Variants in FOXN3 observed in about 807,000 individuals in gnomAD.
FOXN3 encodes the protein forkhead box protein N3.
In FOXN3, 7 loss-of-function variants were observed where a neutral mutation model predicts 38.4. That is an observed-to-expected ratio of 0.18 (90% confidence interval 0.10 to 0.34). The LOEUF (loss-of-function observed/expected upper bound fraction) is 0.34. FOXN3 is among the 10% of genes least tolerant of loss of function. FOXN3 has a pLI of 1.00. For missense variants in FOXN3, 456 were observed against 613.4 expected, an observed-to-expected ratio of 0.74 and a Z score of 2.71; for synonymous variants, 230 against 242.2, an observed-to-expected ratio of 0.95 and a Z score of 0.47.
intron 1 of FOXN3, among the ~76,000 whole-genome samples, chr14:89,426,215 A>ATTTTTTTT (rs33964198): frequency 1.3e-5 from 1 of 77,560 alleles, no homozygotes; most frequent in African/African-American, 5.5e-5. Context: ...AGGAGTACTG[A>ATTTTTTTT]TTTTTTTTTT....
At chr14:89,269,596 G>T (rs545425159) in intron 4 of FOXN3, among the ~76,000 whole-genome samples, 1 of 151,560 alleles carries the variant, frequency 6.6e-6, no homozygotes, top group Non-Finnish European at 1.5e-5. Context: ...GGTAATGGTC[G>T]CAACAGTTGT....
intron 2 of FOXN3, among the ~76,000 whole-genome samples, chr14:89,366,184 C>T (rs1044005839): frequency 6.6e-6 from 1 of 150,834 alleles, no homozygotes; most frequent in African/African-American, 2.4e-5. Flanking sequence ...ACCCGGGAGG[C>T]GGAGTTTGCA....
At chr14:89,492,672 G>A (rs117836319) in intron 1 of FOXN3, among the ~76,000 whole-genome samples, 2,000 of 152,246 alleles carry the variant, frequency 0.013, 20 homozygotes, top group Middle Eastern at 0.048. Flanking sequence ...AGATAGCACC[G>A]CTGCACTCTG....
chr14:89,299,986 T>C (rs930503629), intron 3 of FOXN3, among the ~76,000 whole-genome samples: 1 of 152,212 alleles, frequency 6.6e-6, no homozygotes, highest in Non-Finnish European at 1.5e-5. Flanking sequence ...TTGCATCTTC[T>C]GTCCCAGCAC....
Position 89,412,209 on chromosome 14 carries a change from G to A in FOXN3, c.268C>T (p.Leu90=). The change falls in exon 2 of 6, where the codon CTG becomes TTG. Residue 90 remains leucine (L), a synonymous_variant. Transcript: ENST00000557258. This position sits in a 1 kb window ranked among gnomAD's most constrained non-coding sequence, Gnocchi z 4.7. ...GGGGATGGGGGGGTGTCATCGTCCA[G>A]GTCCTGGACGGGGCTGACACTCCTG... ...VLRSVSPVQD[L]DDDTPPSPAH... is the part of the protein sequence containing the mutation. 3 of 1,614,044 alleles carry A rather than the reference G, an allele frequency of 1.9e-6. No homozygotes were observed. The highest frequency in any genetic ancestry group is 2.5e-6 in the Non-Finnish European group (3 of 1,180,004).
chr14:89,611,805 CAAAAA>C (rs56373132), intron 1 of FOXN3, among the ~76,000 whole-genome samples: 130 of 89,246 alleles, frequency 1.5e-3, no homozygotes, highest in South Asian at 0.012. Flanking sequence ...GACTCCGTCT[CAAAAA>C]AAAAAAAAAA....
At chr14:89,215,602 C>G (rs1304780447) in intron 4 of FOXN3, among the ~76,000 whole-genome samples, 1 of 152,174 alleles carries the variant, frequency 6.6e-6, no homozygotes, top group Non-Finnish European at 1.5e-5. Context: ...GGCAGAAAAA[C>G]TCTCAGTCTT....
At position 89,302,403 on chromosome 14, in the gene FOXN3, C is replaced by T. The variant is rs111551649; in HGVS notation, c.681-21389G>A. Among the ~76,000 whole-genome samples the T allele has an allele frequency of 1.2e-3, 177 of 152,254 alleles. 2 individuals are homozygous for T. Among genetic ancestry groups the T allele is most frequent in the African/African-American group, 4.0e-3 (167 of 41,526 alleles). ...CTTTCTTTCTGGGTGTAAACAGTTA[C>T]GTATGATTGTGAGGGTTTTGCTTTG... On this transcript the variant is annotated intron_variant, in intron 3 of 5. Transcript: ENST00000557258.
chr14:89,325,312 ACG>A lies in FOXN3; in HGVS notation c.680+25358_680+25359del, dbSNP rs1392352257. Among the ~76,000 whole-genome samples, 154 of 125,584 alleles carry A rather than the reference ACG, an allele frequency of 1.2e-3. 1 individual carries two copies. The highest frequency in any genetic ancestry group is 4.5e-3 in the African/African-American group (143 of 31,908). The allele number at this position is 125,584 out of a possible 152,430, so 82.4% of individuals were successfully genotyped here. A position where few individuals can be genotyped will look rare whatever the true frequency, so the allele number is the denominator to read the frequency against. ...CACCACCAACACCAACACCACCACC[ACG>A]ACCACCACCACCACCACCACCACCA... On this transcript the variant is annotated intron_variant, in intron 3 of 5. Transcript: ENST00000557258.
intron 4 of FOXN3, among the ~76,000 whole-genome samples, chr14:89,237,661 C>T (rs1885018696): frequency 6.6e-6 from 1 of 152,164 alleles, no homozygotes; most frequent in Non-Finnish European, 1.5e-5. Flanking sequence ...CATCTCAAAG[C>T]AAAGGCTTAA....
intron 3 of FOXN3, among the ~76,000 whole-genome samples, chr14:89,337,395 G>A (rs1007657568): frequency 2.6e-5 from 4 of 152,122 alleles, no homozygotes; most frequent in African/African-American, 7.2e-5. Context: ...ATTTAAACAC[G>A]GATTATGTAT....
intron 2 of FOXN3, among the ~76,000 whole-genome samples, chr14:89,371,641 C>A (rs1890321695): frequency 6.6e-6 from 1 of 152,074 alleles, no homozygotes; most frequent in African/African-American, 2.4e-5. Flanking sequence ...CTGCTCCTAG[C>A]CCCAGGAGAC....
chr14:89,392,046 A>C (rs8018966), intron 2 of FOXN3, among the ~76,000 whole-genome samples: 56,776 of 151,950 alleles, frequency 0.37, 13,054 homozygotes, highest in Admixed American at 0.53. Context: ...CCCATCAAAA[A>C]ATGGAGAGGA....
chr14:89,251,413 GT>G (rs1885451408), intron 4 of FOXN3, among the ~76,000 whole-genome samples: 1 of 152,204 alleles, frequency 6.6e-6, no homozygotes, highest in Non-Finnish European at 1.5e-5. Context: ...ATGCAAATGG[GT>G]CAGCCCAAAA....
At chr14:89,200,270 C>T (rs1018651996) in intron 4 of FOXN3, among the ~76,000 whole-genome samples, 1 of 152,176 alleles carries the variant, frequency 6.6e-6, no homozygotes, top group Non-Finnish European at 1.5e-5. Context: ...CCTGCAAATT[C>T]GGAATACATC....
At chr14:89,392,838 G>C (rs1282401117) in intron 2 of FOXN3, among the ~76,000 whole-genome samples, 1 of 138,686 alleles carries the variant, frequency 7.2e-6, no homozygotes, top group South Asian at 2.2e-4. Flanking sequence ...ACAGCATCTC[G>C]CTCTGTCGCC....
intron 3 of FOXN3, among the ~76,000 whole-genome samples, chr14:89,337,924 C>G (rs1164235738): frequency 6.6e-6 from 1 of 152,176 alleles, no homozygotes; most frequent in Non-Finnish European, 1.5e-5. Context: ...GCCACCGTGC[C>G]CAGCCACATT....
At chr14:89,397,215 A>G (rs976457886) in intron 2 of FOXN3, among the ~76,000 whole-genome samples, 37 of 152,250 alleles carry the variant, frequency 2.4e-4, no homozygotes, top group African/African-American at 4.6e-4. Flanking sequence ...GTTCTCACTT[A>G]TAAGTGGGAG....
chr14:89,549,784 C>T (rs906019726), intron 1 of FOXN3, among the ~76,000 whole-genome samples: 2 of 152,176 alleles, frequency 1.3e-5, no homozygotes, highest in African/African-American at 4.8e-5. Flanking sequence ...AGGCTGCAAC[C>T]CAAGCGAGCT....
Sources: gnomAD v4.1 joint callset for allele counts (sites outside exome capture counted in the v4.1 genomes callset) on GRCh38, gnomAD v4.1.1 for gene constraint, Gnocchi (gnomAD v3.1) non-coding constraint, MANE v1.5 for transcripts, NCBI Gene and HGNC (gene_info 2026-07-23, HGNC 2026-07-21) for gene names.